The following HPD variants were observed in gnomAD, a reference collection of about 807,000 sequenced individuals.
HPD encodes 4-hydroxyphenylpyruvate dioxygenase.
A neutral mutation model predicts 56.9 loss-of-function variants in HPD; 35 were observed. The ratio of observed to expected loss-of-function variants is 0.62; its 90% confidence interval spans 0.47 to 0.82. The LOEUF (loss-of-function observed/expected upper bound fraction) is 0.82. Among genes scored for constraint, HPD ranks in the 40% least tolerant of loss-of-function variants. The probability of loss-of-function intolerance (pLI) is 0.00; values close to 1 mark genes in which losing one functional copy is unlikely to be tolerated. For synonymous variants in HPD, 186 were observed against 200.2 expected (o/e 0.93, Z 0.60); for missense variants, 442 against 506.8 (o/e 0.87, Z 1.23).
At chr12:121,885,285 T>C in the HPD span, among the ~76,000 whole-genome samples, 1 of 151,248 alleles carries the variant, frequency 6.6e-6, no homozygotes, top group Non-Finnish European at 1.5e-5. Context: ...CATTGTAACC[T>C]CTGCCTCCCG....
chr12:121,862,041 A>G (rs573455833), upstream of HPD, among the ~76,000 whole-genome samples: 283 of 152,274 alleles, frequency 1.9e-3, 2 homozygotes, highest in African/African-American at 6.7e-3. Context: ...CTGAAACCTG[A>G]TGCTGTCTGC....
In HPD at chr12:121,840,001, C is replaced by G. The variant is rs777094478; in HGVS notation, c.1002G>C (p.Gln334His). ...GGTCCTGCACCGGTTTGGTGAAGAT[C>G]TGCAGGAGGTAGCCTTTCTCGTCGT... ...VDYDEKGYLL[Q>H]IFTKPVQDRP... The change falls in exon 13 of 14, where the codon CAG becomes CAC. Residue 334 changes from glutamine (Q) to histidine (H), a missense_variant. By Grantham distance (24) the Gln-to-His change is conservative. Coordinates refer to ENST00000289004, the MANE Select transcript of HPD (RefSeq NM_002150.3). 1.9e-6 allele frequency: 3 copies of G among 1,613,834 alleles called. No individual in the cohort carries two copies. Among genetic ancestry groups the G allele is most frequent in the Non-Finnish European group, 2.5e-6 (3 of 1,179,974 alleles).
At position 121,850,246 on chromosome 12, in the gene HPD, C is replaced by A. The variant is rs1877720849; in HGVS notation, c.415-456G>T. On this transcript the variant is annotated intron_variant, in intron 7 of 13. Transcript: ENST00000289004. ...ACCATCCTGGCGAACACGGTGAAATCCTGTCTCTACTAAAAAATACAAAAA... is the reference window on the plus strand; with the variant it reads ...ACCATCCTGGCGAACACGGTGAAATACTGTCTCTACTAAAAAATACAAAAA... 5.3e-5 allele frequency among the ~76,000 whole-genome samples: 8 copies of A among 151,870 alleles called. No individual in the cohort carries two copies. In the Admixed American group the frequency reaches 5.3e-4, roughly 10 times the overall value.
At chr12:121,872,288 A>G in the HPD span, among the ~76,000 whole-genome samples, 3 of 147,404 alleles carry the variant, frequency 2.0e-5, no homozygotes, top group Admixed American at 6.7e-5. Context: ...CTGGAGTGCA[A>G]TGGTGCACTC....
intron 6 of HPD, 106 bp from the exon 7 acceptor site, chr12:121,854,898 A>T: frequency 2.4e-6 from 2 of 829,600 alleles, no homozygotes; most frequent in South Asian, 2.7e-5. Flanking sequence ...AGGCCCCTCC[A>T]GTTTCTCCAG....
At chr12:121,843,677 C>T in intron 12 of HPD, 33 bp downstream of exon 12, 1 of 1,613,400 alleles carries the variant, frequency 6.2e-7, no homozygotes, top group Non-Finnish European at 8.5e-7. Context: ...TCATACTCCC[C>T]CCACAAGGCT....
the HPD span, among the ~76,000 whole-genome samples, chr12:121,875,162 C>T: frequency 5.9e-5 from 9 of 152,216 alleles, no homozygotes; most frequent in Non-Finnish European, 7.3e-5. Flanking sequence ...TCTGCTGAAA[C>T]TACTGTAGCC....
chr12:121,885,207 AT>A, the HPD span, among the ~76,000 whole-genome samples: 24,533 of 129,072 alleles, frequency 0.19, 3,244 homozygotes, highest in African/African-American at 0.41. Context: ...ATATATCTGT[AT>A]TTTTTTTTTT....
upstream of HPD, among the ~76,000 whole-genome samples, chr12:121,861,837 C>T (rs545838085): frequency 1.1e-4 from 17 of 152,110 alleles, no homozygotes; most frequent in Non-Finnish European, 2.1e-4. Flanking sequence ...AGTCTCTTGG[C>T]TTAGCTACTG....
At chr12:121,862,881 C>T (rs1207793187), upstream of HPD, among the ~76,000 whole-genome samples, 2 of 150,226 alleles carry the variant, frequency 1.3e-5, no homozygotes, top group Non-Finnish European at 3.0e-5. Context: ...GAGGTTTCAC[C>T]GTGTTAGCCA....
chr12:121,852,499 A>G (rs542024234), intron 7 of HPD, among the ~76,000 whole-genome samples: 11 of 151,692 alleles, frequency 7.3e-5, no homozygotes, highest in African/African-American at 2.7e-4. Context: ...TCAAGGAGGT[A>G]AGAGCTATGA....
chr12:121,887,219 T>TTA, the HPD span, among the ~76,000 whole-genome samples: 1,639 of 72,064 alleles, frequency 0.023, 12 homozygotes, highest in Non-Finnish European at 0.053. Context: ...TTAATTATTA[T>TTA]TTTTTTTTTT....
At chr12:121,880,299 T>G in the HPD span, among the ~76,000 whole-genome samples, 3 of 151,210 alleles carry the variant, frequency 2.0e-5, no homozygotes, top group Admixed American at 6.6e-5. Context: ...GCCTCCCAGG[T>G]TTAAGAGATT....
chr12:121,858,618 C>A, intron 2 of HPD, 69 bp downstream of exon 2: 1 of 1,445,606 alleles, frequency 6.9e-7, no homozygotes, highest in Non-Finnish European at 9.7e-7. Context: ...TGCTGAAACC[C>A]CAGTCTCCCT....
intron 12 of HPD, 38 bp downstream of exon 12, chr12:121,843,672 C>A (rs1482831421): frequency 6.2e-7 from 1 of 1,612,600 alleles, no homozygotes; most frequent in African/African-American, 1.3e-5. Context: ...AGAGCTCATA[C>A]TCCCCCCACA....
chr12:121,870,706 C>T, the HPD span, among the ~76,000 whole-genome samples: 3 of 149,584 alleles, frequency 2.0e-5, no homozygotes, highest in East Asian at 2.0e-4. Context: ...AAGCGATTCT[C>T]CTGCCTCAGC....
chr12:121,856,567 TC>T lies in HPD; in HGVS notation c.241+15del. ...CACCCACAGAGCCATGCGTCCACCCTCCCCGGGCACCTCACCTTTGTTCCAG... is the reference window on the plus strand; with the variant it reads ...CACCCACAGAGCCATGCGTCCACCCTCCCGGGCACCTCACCTTTGTTCCAG... On this transcript the variant is annotated intron_variant, in intron 5 of 13. Coordinates refer to ENST00000289004, the MANE Select transcript of HPD (RefSeq NM_002150.3). 1 of 1,613,148 alleles carries T rather than the reference TC, an allele frequency of 6.2e-7. No individual in the cohort carries two copies. Among genetic ancestry groups the T allele is most frequent in the Non-Finnish European group, 8.5e-7 (1 of 1,179,420 alleles).
chr12:121,843,891 G>C (rs1439665816), intron 11 of HPD, 59 bp from the exon 12 acceptor site: 2 of 1,609,846 alleles, frequency 1.2e-6, no homozygotes, highest in East Asian at 4.5e-5. Context: ...CCCCTAGCCA[G>C]GTGGAGGTGC....
intron 9 of HPD, among the ~76,000 whole-genome samples, chr12:121,847,981 A>G (rs1877642099): frequency 6.6e-6 from 1 of 152,178 alleles, no homozygotes; most frequent in African/African-American, 2.4e-5. Context: ...TACCTTTATG[A>G]TGACATTTTT....
Sources: gnomAD v4.1 joint callset for allele counts (sites outside exome capture counted in the v4.1 genomes callset) on GRCh38, gnomAD v4.1.1 for gene constraint, MANE v1.5 for transcripts, NCBI Gene and HGNC (gene_info 2026-07-23, HGNC 2026-07-21) for gene names.